The following SLAMF1 variants were observed in gnomAD, a reference collection of about 807,000 sequenced individuals.
SLAMF1 encodes signaling lymphocytic activation molecule family member 1.
Under a neutral mutation model 35.1 loss-of-function variants are expected in SLAMF1, and 18 were observed. The ratio of observed to expected loss-of-function variants is 0.51; its 90% CI spans 0.35 to 0.76. SLAMF1 has a LOEUF of 0.76. SLAMF1 is among the 30% of genes least tolerant of loss of function. SLAMF1 has a pLI of 0.01. For missense variants in SLAMF1, 392 were observed against 413.0 expected, an observed-to-expected ratio of 0.95 and a Z score of 0.44; for synonymous variants, 168 against 157.2, an observed-to-expected ratio of 1.07 and a Z score of -0.51.
At chr1:160,617,018 T>G (rs749676670) in intron 5 of SLAMF1, among the ~76,000 whole-genome samples, 6 of 151,994 alleles carry the variant, frequency 3.9e-5, no homozygotes, top group Non-Finnish European at 7.4e-5. Context: ...GAGCCAGGTG[T>G]GGTGGTGCGT....
chr1:160,634,558 A>G, intron 3 of SLAMF1, 55 bp downstream of exon 3: 1 of 1,509,890 alleles, frequency 6.6e-7, no homozygotes, highest in Admixed American at 2.0e-5. Context: ...GGACCATGTG[A>G]AGACTGAGCC....
Position 160,609,259 on chromosome 1 carries a change from C to T in SLAMF1, c.*1489G>A, listed in dbSNP as rs1570955625. On this transcript the variant is annotated 3_prime_UTR_variant, in exon 7 of 7. Coordinates refer to ENST00000302035, the MANE Select transcript of SLAMF1 (RefSeq NM_003037.5). ...AGTCTCTTCTTTTCCTGCTCACTTT[C>T]AAAGCATGGTTTTGCAGAAACTTCT... is the stretch of plus-strand genomic sequence containing the variant. The T allele has an allele frequency of 6.6e-6, 1 of 152,172 alleles. No homozygotes were observed. The highest frequency in any genetic ancestry group is 1.5e-5 in the Non-Finnish European group (1 of 68,040). The allele number at this position is 152,172 out of a possible 1,614,324, so 9.4% of individuals were successfully genotyped here.
rs751442558 is a variant in SLAMF1, at chr1:160,619,810, C to CTTT, written c.827_829dup (p.Lys276dup). On this transcript the variant is annotated inframe_insertion, in exon 5 of 7. Transcript: ENST00000302035. ...CTGGACTTGGGCATAGATCGTAAGG[C>CTTT]TTTTTTTTTCCACTGTTGTCTGGTA... 14 of 1,600,284 alleles carry CTTT rather than the reference C, an allele frequency of 8.7e-6. No homozygotes were observed. The highest frequency in any genetic ancestry group is 1.2e-5 in the Non-Finnish European group (14 of 1,168,382).
chr1:160,610,762 G>A lies in SLAMF1; in HGVS notation c.994C>T (p.Leu332Phe). The A allele has an allele frequency of 6.2e-7, 1 of 1,612,816 alleles. No individual in the cohort carries two copies. Among genetic ancestry groups the A allele is most frequent in the Non-Finnish European group, 8.5e-7 (1 of 1,178,790 alleles). Residue 332 changes from leucine (L) to phenylalanine (F), a missense_variant, in exon 7 of 7, where the codon CTT becomes TTT. By Grantham distance (22) the Leu-to-Phe change is conservative. Coordinates refer to ENST00000302035, the MANE Select transcript of SLAMF1 (RefSeq NM_003037.5). ...NSITVYASVTLPES is the reference protein window; with the variant it reads ...NSITVYASVTFPES ...GGTCTCTGGTGTCAGCTCTCTGGAA[G>A]TGTCACACTAGCATAGACTGTGATG...
At chr1:160,643,287 G>A (rs1437044080) in intron 1 of SLAMF1, among the ~76,000 whole-genome samples, 2 of 152,096 alleles carry the variant, frequency 1.3e-5, no homozygotes, top group Non-Finnish European at 2.9e-5. Context: ...GGCAAGTCCT[G>A]GGACTTGACT....
chr1:160,629,705 C>T (rs2102319250), intron 3 of SLAMF1, among the ~76,000 whole-genome samples: 1 of 152,338 alleles, frequency 6.6e-6, no homozygotes, highest in East Asian at 1.9e-4. Flanking sequence ...TGAGATTGCG[C>T]TCATGCTTTC....
intron 1 of SLAMF1, among the ~76,000 whole-genome samples, chr1:160,638,736 G>A (rs1347284915): frequency 6.6e-6 from 1 of 152,100 alleles, no homozygotes; most frequent in Non-Finnish European, 1.5e-5. Context: ...ACTCCACTAA[G>A]CCAAGTCAAA....
In SLAMF1 at chr1:160,634,620, G is replaced by A; in HGVS notation, c.693C>T (p.Asp231=). 6.2e-7 allele frequency: 1 copy of A among 1,603,896 alleles called. No individual in the cohort carries two copies. The highest frequency in any genetic ancestry group is 1.7e-5 in the Admixed American group (1 of 59,656). The change falls in exon 3 of 7, where the codon GAC becomes GAT. Residue 231 remains aspartate (D), a synonymous_variant. Coordinates refer to ENST00000302035, the MANE Select transcript of SLAMF1 (RefSeq NM_003037.5). ...TGCCACCAGTGTACTCACCTGAGGG[G>A]TCTGTCCTGCATCCGGGCCACGGGC... ...TFSPWPGCRT[D]PSETKPWAVY... is the part of the protein sequence containing the mutation.
At chr1:160,613,667 G>A (rs1375026963) in intron 5 of SLAMF1, among the ~76,000 whole-genome samples, 1 of 152,244 alleles carries the variant, frequency 6.6e-6, no homozygotes, top group Admixed American at 6.5e-5. Flanking sequence ...ATTTTGTCAT[G>A]TGATGGAAGG....
rs1659471344 is a variant in SLAMF1 at position 160,619,131 on chromosome 1, T to C, written c.864+645A>G. The stretch of plus-strand genomic sequence containing the variant: ...ATTCTGGCCTATACAATACCAAGAA[T>C]TGCCTTCATGTTGAAAAACTACAGT... On this transcript the variant is annotated intron_variant, in intron 5 of 6. Coordinates refer to ENST00000302035, the MANE Select transcript of SLAMF1 (RefSeq NM_003037.5). Among the ~76,000 whole-genome samples, 6 of 151,966 alleles carry C rather than the reference T, an allele frequency of 3.9e-5. No individual in the cohort carries two copies. The South Asian group carries it at 1.2e-3, about 32-fold the overall frequency.
At chr1:160,611,672 A>G (rs192579796) in intron 6 of SLAMF1, among the ~76,000 whole-genome samples, 2 of 152,360 alleles carry the variant, frequency 1.3e-5, no homozygotes, top group African/African-American at 4.8e-5. Flanking sequence ...TGTCCGAAGT[A>G]AACTTAGTCC....
chr1:160,615,749 G>A (rs537824602), intron 5 of SLAMF1: 6 of 350,376 alleles, frequency 1.7e-5, no homozygotes, highest in African/African-American at 6.6e-5. Context: ...GAATAAGTCC[G>A]AAGTCTGATG....
At chr1:160,610,910 G>A (rs1287330606) in intron 6 of SLAMF1, 112 bp from the exon 7 acceptor site, 43 of 857,864 alleles carry the variant, frequency 5.0e-5, no homozygotes, top group Non-Finnish European at 9.7e-6. Context: ...ATCATGGCTT[G>A]TGCAGGGTCT....
chr1:160,632,480 A>G (rs2102329201), intron 3 of SLAMF1, among the ~76,000 whole-genome samples: 1 of 152,276 alleles, frequency 6.6e-6, no homozygotes, highest in South Asian at 2.1e-4. Flanking sequence ...TGGTCCTCAG[A>G]GTGGCTTAGA....
chr1:160,622,556 GTCTA>G (rs1294022030), intron 4 of SLAMF1, among the ~76,000 whole-genome samples: 3 of 152,154 alleles, frequency 2.0e-5, no homozygotes, highest in African/African-American at 7.2e-5. Flanking sequence ...TAAGAGATCT[GTCTA>G]TCTGTCTATG....
intron 1 of SLAMF1, 70 bp from the exon 2 acceptor site, chr1:160,637,599 G>A: frequency 8.7e-7 from 1 of 1,149,284 alleles, no homozygotes; most frequent in East Asian, 2.5e-5. Context: ...AGCAGATCAG[G>A]AAGGACAGAC....
chr1:160,614,314 G>T (rs561438591), intron 5 of SLAMF1, among the ~76,000 whole-genome samples: 3 of 152,132 alleles, frequency 2.0e-5, no homozygotes, highest in Non-Finnish European at 4.4e-5. Flanking sequence ...GGTGGCTCAC[G>T]CCTGTAATCC....
intron 4 of SLAMF1, among the ~76,000 whole-genome samples, chr1:160,622,610 G>C (rs138253404): frequency 1.3e-5 from 2 of 152,068 alleles, no homozygotes; most frequent in Admixed American, 6.5e-5. Flanking sequence ...ATCACCCATC[G>C]ATGGGAACCA....
chr1:160,630,231 T>C (rs1388186526), intron 3 of SLAMF1, among the ~76,000 whole-genome samples: 1 of 152,190 alleles, frequency 6.6e-6, no homozygotes, highest in Non-Finnish European at 1.5e-5. Flanking sequence ...GCCAGAGTAC[T>C]TCATAGCACC....
Sources: gnomAD v4.1 joint callset for allele counts (sites outside exome capture counted in the v4.1 genomes callset) on GRCh38, gnomAD v4.1.1 for gene constraint, MANE v1.5 for transcripts, NCBI Gene and HGNC (gene_info 2026-07-23, HGNC 2026-07-21) for gene names.